CDH18: variants seen among roughly 807,000 people sequenced by gnomAD.
CDH18 encodes the protein cadherin 18.
Under a neutral mutation model 67.9 loss-of-function variants are expected in CDH18, and 31 were observed. The ratio of observed to expected loss-of-function variants is 0.46; its 90% CI spans 0.34 to 0.62. CDH18 has a LOEUF of 0.62. Ranked by LOEUF, CDH18 falls within the 20% of genes least tolerant of loss-of-function variation. The pLI is 0.01. For missense variants in CDH18, 890 were observed against 975.5 expected, an observed-to-expected ratio of 0.91 and a Z score of 1.17; for synonymous variants, 362 against 347.2, an observed-to-expected ratio of 1.04 and a Z score of -0.48.
chr5:19,559,932 A>C (rs538865506), intron 8 of CDH18, among the ~76,000 whole-genome samples: 2,488 of 151,876 alleles, frequency 0.016, 39 homozygotes, highest in Non-Finnish European at 0.024. Flanking sequence ...AAACAAAAAA[A>C]AAACTCAGGA....
intron 2 of CDH18, among the ~76,000 whole-genome samples, chr5:20,097,926 T>C (rs982575162): frequency 2.0e-5 from 3 of 152,114 alleles, no homozygotes; most frequent in African/African-American, 4.8e-5. Context: ...TTTATTGATA[T>C]TGTGGAATCA....
At position 19,924,453 on chromosome 5, in the gene CDH18, G is replaced by A. The variant is rs531668801; in HGVS notation, c.-257+56607C>T. Among the ~76,000 whole-genome samples, 9 of 152,124 alleles carry A rather than the reference G, an allele frequency of 5.9e-5. No individual in the cohort carries two copies. The East Asian group carries it at 1.2e-3, about 20-fold the overall frequency. ...GGAGATCAAGATCAGCCTGGTCAACGTGGCAAAACCCCATCTCTGGAGTTT... is the reference window on the plus strand; with the variant it reads ...GGAGATCAAGATCAGCCTGGTCAACATGGCAAAACCCCATCTCTGGAGTTT... On this transcript the variant is annotated intron_variant, in intron 2 of 12. Transcript: ENST00000382275.
intron 1 of CDH18, among the ~76,000 whole-genome samples, chr5:20,426,485 A>G (rs1317059441): frequency 6.6e-6 from 1 of 151,118 alleles, no homozygotes; most frequent in South Asian, 2.1e-4. Context: ...CTCAACAAAA[A>G]CTTTTTAAAA....
At chr5:20,352,782 G>T (rs1355382241) in intron 1 of CDH18, among the ~76,000 whole-genome samples, 4 of 151,840 alleles carry the variant, frequency 2.6e-5, no homozygotes, top group Non-Finnish European at 5.9e-5. Context: ...GATAGAGAGA[G>T]ACTCTGTCTC....
At chr5:19,687,490 A>G (rs1761271355) in intron 5 of CDH18, among the ~76,000 whole-genome samples, 1 of 152,158 alleles carries the variant, frequency 6.6e-6, no homozygotes, top group Admixed American at 6.5e-5. Flanking sequence ...AGCGTCCTGT[A>G]TCTTGGGGAA....
intron 5 of CDH18, among the ~76,000 whole-genome samples, chr5:19,635,235 G>A (rs1213849286): frequency 6.6e-6 from 1 of 151,970 alleles, no homozygotes; most frequent in Non-Finnish European, 1.5e-5. Context: ...TTCCTTACAT[G>A]GATTAGAAAA....
At chr5:19,653,304 C>A (rs998682609) in intron 5 of CDH18, among the ~76,000 whole-genome samples, 1 of 151,898 alleles carries the variant, frequency 6.6e-6, no homozygotes, top group Admixed American at 6.6e-5. Flanking sequence ...TTTTTTCTCT[C>A]TCTAATCCCT....
At chr5:19,756,543 TGGATC>T (rs1771629552) in intron 3 of CDH18, among the ~76,000 whole-genome samples, 1 of 152,228 alleles carries the variant, frequency 6.6e-6, no homozygotes, top group African/African-American at 2.4e-5. Context: ...GACGCCCAAA[TGGATC>T]TCCTGTATCC....
intron 2 of CDH18, among the ~76,000 whole-genome samples, chr5:20,213,975 C>G (rs1740560906): frequency 6.6e-6 from 1 of 151,786 alleles, no homozygotes. Flanking sequence ...GAAAACCTCA[C>G]AGAATTCAGC....
intron 2 of CDH18, among the ~76,000 whole-genome samples, chr5:20,170,275 C>T (rs1340444247): frequency 6.6e-6 from 1 of 151,170 alleles, no homozygotes; most frequent in African/African-American, 2.4e-5. Context: ...AGAACATGTG[C>T]TGTTTGGTTT....
At chr5:19,813,698 G>A (rs1022056024) in intron 3 of CDH18, among the ~76,000 whole-genome samples, 2 of 151,850 alleles carry the variant, frequency 1.3e-5, no homozygotes, top group Non-Finnish European at 2.9e-5. Flanking sequence ...TTCCACAAAG[G>A]GAAAGCCAGG....
chr5:19,510,710 C>T (rs1744971486), intron 10 of CDH18, among the ~76,000 whole-genome samples: 1 of 152,030 alleles, frequency 6.6e-6, no homozygotes, highest in Non-Finnish European at 1.5e-5. Context: ...ACATTATAAT[C>T]CCACATAACC....
chr5:19,700,012 T>C (rs1311121126), intron 5 of CDH18, among the ~76,000 whole-genome samples: 1 of 149,250 alleles, frequency 6.7e-6, no homozygotes, highest in Admixed American at 6.7e-5. Flanking sequence ...TTCAATTAAT[T>C]TGAGATATTT....
At chr5:20,231,265 CA>C (rs1394218659) in intron 2 of CDH18, among the ~76,000 whole-genome samples, 1 of 152,080 alleles carries the variant, frequency 6.6e-6, no homozygotes, top group Non-Finnish European at 1.5e-5. Flanking sequence ...CAAAATTCTA[CA>C]AAATTCATAA....
At chr5:20,093,580 C>T (rs1393665198) in intron 2 of CDH18, among the ~76,000 whole-genome samples, 1 of 151,708 alleles carries the variant, frequency 6.6e-6, no homozygotes, top group Non-Finnish European at 1.5e-5. Context: ...TTGTTTTGTA[C>T]CTTAATGATT....
intron 5 of CDH18, among the ~76,000 whole-genome samples, chr5:19,646,135 A>C (rs1467551849): frequency 6.6e-6 from 1 of 152,140 alleles, no homozygotes; most frequent in East Asian, 1.9e-4. Context: ...AAAGTTGAGA[A>C]GGTTTATTGG....
intron 1 of CDH18, among the ~76,000 whole-genome samples, chr5:20,528,539 G>C (rs1165222449): frequency 6.6e-6 from 1 of 151,930 alleles, no homozygotes; most frequent in African/African-American, 2.4e-5. Flanking sequence ...AATAACTGAA[G>C]TCATAACAAA....
At chr5:20,093,230 AACACAT>A (rs1745596980) in intron 2 of CDH18, among the ~76,000 whole-genome samples, 1 of 151,334 alleles carries the variant, frequency 6.6e-6, no homozygotes, top group Admixed American at 6.6e-5. Flanking sequence ...CACACACATA[AACACAT>A]ACACACACAC....
intron 12 of CDH18, among the ~76,000 whole-genome samples, chr5:19,479,385 C>G (rs779668442): frequency 6.6e-6 from 1 of 151,876 alleles, no homozygotes; most frequent in Non-Finnish European, 1.5e-5. Context: ...ATATTTATGC[C>G]GAAAATCATA....
Sources: allele counts gnomAD v4.1 joint callset (sites outside exome capture counted in the v4.1 genomes callset), GRCh38; gene constraint gnomAD v4.1.1; transcripts MANE v1.5; gene names NCBI Gene and HGNC (gene_info 2026-07-23, HGNC 2026-07-21).